The following MUSK variants were observed in gnomAD, a reference collection of about 807,000 sequenced individuals.
MUSK encodes muscle associated receptor tyrosine kinase, also known as muscle, skeletal receptor tyrosine-protein kinase.
Under a neutral mutation model 88.7 loss-of-function variants are expected in MUSK, and 55 were observed. The ratio of observed to expected loss-of-function variants is 0.62; its 90% CI spans 0.50 to 0.78. The LOEUF (loss-of-function observed/expected upper bound fraction) is 0.78. Ranked by LOEUF, MUSK falls within the 30% of genes least tolerant of loss-of-function variation. MUSK has a pLI of 0.00. For synonymous variants in MUSK, 387 were observed against 391.9 expected, an observed-to-expected ratio of 0.99 and a Z score of 0.15; for missense variants, 1,015 against 1,074.3, an observed-to-expected ratio of 0.94 and a Z score of 0.77.
chr9:110,738,490 C>T (rs1167988567), intron 6 of MUSK, among the ~76,000 whole-genome samples: 1 of 152,166 alleles, frequency 6.6e-6, no homozygotes, highest in Non-Finnish European at 1.5e-5. Flanking sequence ...AAATCATTAA[C>T]ATTATCCCAA....
At chr9:110,682,346 C>G (rs1367702411) in intron 1 of MUSK, among the ~76,000 whole-genome samples, 2 of 151,172 alleles carry the variant, frequency 1.3e-5, no homozygotes, top group African/African-American at 4.9e-5. Context: ...GGGGTGGACA[C>G]AGAAATTTTG....
At chr9:110,747,856 TC>T in intron 7 of MUSK, 56 bp downstream of exon 7, 1 of 1,570,536 alleles carries the variant, frequency 6.4e-7, no homozygotes, top group East Asian at 2.2e-5. Flanking sequence ...TTGATACTAT[TC>T]TACAATATCG....
chr9:110,700,348 T>C (rs1264564085), intron 5 of MUSK, among the ~76,000 whole-genome samples: 1 of 152,156 alleles, frequency 6.6e-6, no homozygotes, highest in Non-Finnish European at 1.5e-5. Flanking sequence ...TAGCTGTGTC[T>C]AAGAATTTGA....
intron 7 of MUSK, among the ~76,000 whole-genome samples, chr9:110,759,837 AC>A (rs201929604): frequency 0.015 from 2,283 of 152,286 alleles, 24 homozygotes; most frequent in Non-Finnish European, 0.021. Flanking sequence ...GCTGTCTGAG[AC>A]CAGCCTGGAC....
chr9:110,687,480 G>T (rs538963906), intron 3 of MUSK, among the ~76,000 whole-genome samples: 3 of 151,996 alleles, frequency 2.0e-5, no homozygotes, highest in African/African-American at 7.2e-5. Flanking sequence ...GACTACAGGT[G>T]CGTGCCACCA....
Position 110,775,923 on chromosome 9 carries a change from G to C in MUSK, c.1320G>C (p.Met440Ile). ...CAGAATGCAGCAAGCTTCCCAGCAT[G>C]CATTGGGACCCCACGGCCTGTGCCA... ...SVPECSKLPS[M>I]HWDPTACARL... The change falls in exon 10 of 15, where the codon ATG (methionine) becomes ATC (isoleucine). Residue 440 changes from methionine to isoleucine, a missense_variant. Met to Ile is a conservative substitution (Grantham distance 10). Coordinates refer to ENST00000374448, the MANE Select transcript of MUSK (RefSeq NM_005592.4). 1.2e-6 allele frequency: 2 copies of C among 1,613,954 alleles called. No homozygotes were observed. Among genetic ancestry groups the C allele is most frequent in the Non-Finnish European group, 1.7e-6 (2 of 1,179,826 alleles).
Position 110,802,375 on chromosome 9 carries a change from C to A in MUSK, c.*1387C>A, listed in dbSNP as rs1222113058. Among the ~76,000 whole-genome samples, 2 of 152,096 alleles carry A rather than the reference C, an allele frequency of 1.3e-5. No individual in the cohort carries two copies. The highest frequency in any genetic ancestry group is 4.8e-5 in the African/African-American group (2 of 41,394). On this transcript the variant is annotated 3_prime_UTR_variant, in exon 15 of 15. Transcript: ENST00000374448. ...GAACCCAAATTCTCCTGAAAACGAA[C>A]AGGGAAGAGAAAATAACAGTCTACT...
chr9:110,747,427 AT>A (rs2077186899), intron 6 of MUSK, among the ~76,000 whole-genome samples: 1 of 152,188 alleles, frequency 6.6e-6, no homozygotes, highest in South Asian at 2.1e-4. Context: ...GCTAATCTAG[AT>A]TCAAATTATG....
At chr9:110,774,229 T>C (rs1729103813) in intron 9 of MUSK, among the ~76,000 whole-genome samples, 1 of 152,236 alleles carries the variant, frequency 6.6e-6, no homozygotes, top group African/African-American at 2.4e-5. Context: ...TTCAAATTTG[T>C]TTATTTCTTG....
At chr9:110,670,925 A>C (rs529797390) in intron 1 of MUSK, among the ~76,000 whole-genome samples, 1 of 152,258 alleles carries the variant, frequency 6.6e-6, no homozygotes, top group Non-Finnish European at 1.5e-5. Flanking sequence ...TTGAAGGGTG[A>C]GGAATACATT....
intron 9 of MUSK, chr9:110,775,581 C>G (rs2077654448): frequency 3.5e-6 from 2 of 574,400 alleles, no homozygotes; most frequent in African/African-American, 1.9e-5. Context: ...CACAACAAAA[C>G]GAGATAGCAT....
chr9:110,685,112 T>C (rs1030048447), intron 2 of MUSK, among the ~76,000 whole-genome samples: 1 of 152,122 alleles, frequency 6.6e-6, no homozygotes, highest in Non-Finnish European at 1.5e-5. Context: ...CTGTCATATA[T>C]GGCTTTTATT....
intron 1 of MUSK, among the ~76,000 whole-genome samples, chr9:110,681,028 AT>A (rs748214497): frequency 3.2e-4 from 4 of 12,514 alleles, no homozygotes; most frequent in East Asian, 1.5e-3. Flanking sequence ...TATATTATAT[AT>A]TATATATTAT....
intron 5 of MUSK, among the ~76,000 whole-genome samples, chr9:110,717,772 A>G (rs1331884513): frequency 7.3e-6 from 1 of 137,460 alleles, no homozygotes; most frequent in Non-Finnish European, 1.5e-5. Context: ...GTCTTCTTAC[A>G]TCAATTGATG....
rs575437660 is a variant in MUSK, at chr9:110,800,998, C to T, written c.*10C>T. On this transcript the variant is annotated 3_prime_UTR_variant, in exon 15 of 15. Transcript: ENST00000374448. The stretch of plus-strand genomic sequence containing the variant: ...AACTGTGAGTGTCTAAGGTTGAAGA[C>T]GTTCAAATAAAATGCTGCAGTTTCC... 1.2e-5 allele frequency: 18 copies of T among 1,502,372 alleles called. No homozygotes were observed. The African/African-American group carries it at 1.5e-4, about 13-fold the overall frequency. The allele number at this position is 1,502,372 out of a possible 1,614,324, so 93.1% of individuals were successfully genotyped here.
At chr9:110,715,447 T>C (rs2076732266) in intron 5 of MUSK, among the ~76,000 whole-genome samples, 1 of 148,796 alleles carries the variant, frequency 6.7e-6, no homozygotes, top group Non-Finnish European at 1.5e-5. Flanking sequence ...GCTGTTAGGG[T>C]ATTGTACATG....
At chr9:110,720,634 C>T (rs932464868) in intron 5 of MUSK, among the ~76,000 whole-genome samples, 1 of 152,040 alleles carries the variant, frequency 6.6e-6, no homozygotes, top group Non-Finnish European at 1.5e-5. Context: ...CAGGACCAGA[C>T]AGATTCATAG....
intron 5 of MUSK, among the ~76,000 whole-genome samples, chr9:110,701,653 T>TATTTA (rs1491581441): frequency 2.4e-4 from 1 of 4,192 alleles, no homozygotes; most frequent in African/African-American, 7.8e-3. Flanking sequence ...TGCTCAGCTA[T>TATTTA]TTATTTTATT....
At position 110,716,659 on chromosome 9, in the gene MUSK, T is replaced by C. The variant is rs774597107; in HGVS notation, c.629-17592T>C. 2.7e-5 allele frequency among the ~76,000 whole-genome samples: 4 copies of C among 150,080 alleles called. 1 individual carries two copies. Among genetic ancestry groups the C allele is most frequent in the African/African-American group, 7.6e-5 (3 of 39,632 alleles). On this transcript the variant is annotated intron_variant, in intron 5 of 14. Transcript: ENST00000374448. Reference sequence around the variant, plus strand: ...TGAATGCTGCCCTCATAATTTAAAATTGGCCTTCTCCTTCACAGGGGACAT... The same window carrying C: ...TGAATGCTGCCCTCATAATTTAAAACTGGCCTTCTCCTTCACAGGGGACAT...
Sources: gnomAD v4.1 joint callset for allele counts (sites outside exome capture counted in the v4.1 genomes callset) on GRCh38, gnomAD v4.1.1 for gene constraint, MANE v1.5 for transcripts, NCBI Gene and HGNC (gene_info 2026-07-23, HGNC 2026-07-21) for gene names.